Variants in SRGAP2B observed in about 807,000 individuals in gnomAD.
SRGAP2B encodes the protein SLIT-ROBO Rho GTPase-activating protein 2B.
In SRGAP2B, 9 loss-of-function variants were observed where a neutral mutation model predicts 22.2. The observed-to-expected ratio is 0.41, with a 90% CI of 0.24 to 0.71. The LOEUF is 0.71. SRGAP2B is among the 30% of genes least tolerant of loss of function. The probability of loss-of-function intolerance (pLI) is 0.35; values close to 1 mark genes in which losing one functional copy is unlikely to be tolerated. For missense variants in SRGAP2B, 114 were observed against 235.8 expected, an observed-to-expected ratio of 0.48 and a Z score of 3.38; for synonymous variants, 36 against 87.4, an observed-to-expected ratio of 0.41 and a Z score of 3.28.
intron 4 of SRGAP2B, among the ~76,000 whole-genome samples, chr1:144,931,663 T>C (rs1305035482): frequency 6.6e-6 from 1 of 150,558 alleles, no homozygotes; most frequent in Non-Finnish European, 1.5e-5. Flanking sequence ...ATTTGCTACA[T>C]TGGGATTGTT....
intron 4 of SRGAP2B, among the ~76,000 whole-genome samples, chr1:144,945,576 G>A (rs1295637152): frequency 6.6e-6 from 1 of 150,994 alleles, no homozygotes; most frequent in Non-Finnish European, 1.5e-5. Flanking sequence ...GGGGGACAGA[G>A]ACTCCATCTC....
intron 4 of SRGAP2B, among the ~76,000 whole-genome samples, chr1:144,922,522 GAAAACAAA>G (rs1553604441): frequency 6.8e-6 from 1 of 147,062 alleles, no homozygotes; most frequent in Non-Finnish European, 1.5e-5. Flanking sequence ...CCTGAGGAAA[GAAAACAAA>G]AAAACAAAAC....
At chr1:145,019,203 T>A (rs1309444797) in intron 2 of SRGAP2B, among the ~76,000 whole-genome samples, 50 of 109,422 alleles carry the variant, frequency 4.6e-4, no homozygotes, top group African/African-American at 1.8e-3. Flanking sequence ...AAAAAAAAAA[T>A]AGCCAGGTGT....
chr1:145,051,351 AAC>A (rs1650165304), intron 2 of SRGAP2B, among the ~76,000 whole-genome samples: 2 of 144,480 alleles, frequency 1.4e-5, no homozygotes, highest in African/African-American at 5.4e-5. Flanking sequence ...CTCCTATCTT[AAC>A]AGGGATGTTA....
At chr1:144,970,184 A>G (rs1668396073) in intron 3 of SRGAP2B, among the ~76,000 whole-genome samples, 1 of 143,936 alleles carries the variant, frequency 6.9e-6, no homozygotes, top group Non-Finnish European at 1.5e-5. Context: ...GCTGCTATAA[A>G]GACACATGCA....
At chr1:144,970,746 G>C (rs1246472182) in intron 3 of SRGAP2B, among the ~76,000 whole-genome samples, 1 of 148,588 alleles carries the variant, frequency 6.7e-6, no homozygotes, top group Non-Finnish European at 1.5e-5. Context: ...TACTCCTGAT[G>C]TCTTAAACAA....
At chr1:144,940,384 T>C (rs1447122072) in intron 4 of SRGAP2B, among the ~76,000 whole-genome samples, 3 of 144,838 alleles carry the variant, frequency 2.1e-5, no homozygotes, top group African/African-American at 8.1e-5. Flanking sequence ...TAAATGGAAG[T>C]AGGGTATTTC....
chr1:145,022,741 T>C (rs1310009381), intron 2 of SRGAP2B, among the ~76,000 whole-genome samples: 3 of 150,136 alleles, frequency 2.0e-5, no homozygotes, highest in Admixed American at 6.6e-5. Flanking sequence ...GCTGCTGCCT[T>C]GGAAGATGAT....
chr1:144,954,702 T>C (rs1336274296), intron 4 of SRGAP2B, among the ~76,000 whole-genome samples: 1 of 150,808 alleles, frequency 6.6e-6, no homozygotes, highest in African/African-American at 2.5e-5. Context: ...GGTTCCATCG[T>C]TGACAGGTAA....
intron 3 of SRGAP2B, among the ~76,000 whole-genome samples, chr1:144,958,674 G>GA (rs1335849023): frequency 7.9e-6 from 1 of 127,236 alleles, no homozygotes; most frequent in African/African-American, 3.2e-5. Flanking sequence ...AGAAAAAAAA[G>GA]AAAAAAGAAC....
chr1:144,964,260 C>T (rs1308439632), intron 3 of SRGAP2B, among the ~76,000 whole-genome samples: 11 of 143,958 alleles, frequency 7.6e-5, no homozygotes, highest in Non-Finnish European at 1.4e-4. Flanking sequence ...TAGGTGGGTC[C>T]TTAATCAGTA....
At chr1:144,987,097 A>C (rs1437245980) in intron 3 of SRGAP2B, among the ~76,000 whole-genome samples, 1 of 152,076 alleles carries the variant, frequency 6.6e-6, no homozygotes, top group East Asian at 1.9e-4. Flanking sequence ...AGCCCTCTCC[A>C]GTCCTCCAAT....
intron 3 of SRGAP2B, among the ~76,000 whole-genome samples, chr1:144,980,333 CA>C (rs1669231179): frequency 7.2e-6 from 1 of 139,326 alleles, no homozygotes; most frequent in Non-Finnish European, 1.6e-5. Context: ...CCCCTACCCC[CA>C]CCCTAGAACT....
At chr1:145,093,769 G>GA (rs1240031093) in intron 1 of SRGAP2B, among the ~76,000 whole-genome samples, 9 of 148,208 alleles carry the variant, frequency 6.1e-5, no homozygotes, top group Non-Finnish European at 8.9e-5. Flanking sequence ...CAGCCCGAGG[G>GA]AGCCCTCCCG....
At chr1:144,990,669 C>G (rs1480716986) in intron 3 of SRGAP2B, among the ~76,000 whole-genome samples, 2 of 149,482 alleles carry the variant, frequency 1.3e-5, no homozygotes, top group South Asian at 2.1e-4. Context: ...GAGCGGGAAC[C>G]GGGGCTGCGT....
intron 2 of SRGAP2B, among the ~76,000 whole-genome samples, chr1:145,068,202 C>CAAAAA (rs75504567): frequency 1.9e-4 from 3 of 15,594 alleles, no homozygotes; most frequent in Non-Finnish European, 2.9e-4. Flanking sequence ...GACTCCGTCT[C>CAAAAA]AAAAAAAAAA....
rs1258065871 is a variant in SRGAP2B, at chr1:144,940,344, G to A, written c.423+15095C>T. Among the ~76,000 whole-genome samples, 16 of 129,054 alleles carry A rather than the reference G, an allele frequency of 1.2e-4. 1 individual carries two copies. Among genetic ancestry groups the A allele is most frequent in the African/African-American group, 5.1e-4 (16 of 31,668 alleles). The allele number at this position is 129,054 out of a possible 152,430, so 84.7% of individuals were successfully genotyped here. On this transcript the variant is annotated intron_variant, in intron 4 of 9. Transcript: ENST00000612199. The stretch of plus-strand genomic sequence containing the variant: ...GAGGAAGAAAAAGGGAAAGCAGCAG[G>A]GGGAAAAACCCTCTCTCCTTACCTT...
chr1:144,989,548 CCCTCTCA>C (rs1553616630), intron 3 of SRGAP2B, among the ~76,000 whole-genome samples: 1 of 65,054 alleles, frequency 1.5e-5, no homozygotes, highest in East Asian at 5.0e-4. Flanking sequence ...TCCTATCTTA[CCCTCTCA>C]AAGTGCTGGG....
intron 5 of SRGAP2B, among the ~76,000 whole-genome samples, chr1:144,912,121 T>C (rs1262057715): frequency 2.0e-5 from 3 of 148,524 alleles, no homozygotes; most frequent in Non-Finnish European, 4.4e-5. Context: ...CAGCTATTTT[T>C]TTTTGTATTT....
Sources: gnomAD v4.1 joint callset for allele counts (sites outside exome capture counted in the v4.1 genomes callset) on GRCh38, gnomAD v4.1.1 for gene constraint, MANE v1.5 for transcripts, NCBI Gene and HGNC (gene_info 2026-07-23, HGNC 2026-07-21) for gene names.